The following EIF3F variants were observed in gnomAD, a reference collection of about 807,000 sequenced individuals.
EIF3F encodes the protein eukaryotic translation initiation factor 3 subunit F.
A neutral mutation model predicts 36.0 loss-of-function variants in EIF3F; 8 were observed. That is an observed-to-expected ratio of 0.22 (90% CI 0.13 to 0.40). EIF3F has a LOEUF of 0.40. Among genes scored for constraint, EIF3F ranks in the 10% least tolerant of loss-of-function variants. The probability of loss-of-function intolerance (pLI) is 1.00; values close to 1 mark genes in which losing one functional copy is unlikely to be tolerated. For missense variants in EIF3F, 430 were observed against 467.6 expected (o/e 0.92, Z 0.74); for synonymous variants, 184 against 188.5 (o/e 0.98, Z 0.19).
In EIF3F at chr11:7,992,074, T is replaced by C. The variant is rs1564886401; in HGVS notation, c.436-10T>C. The C allele has an allele frequency of 2.5e-6, 4 of 1,612,794 alleles. No individual in the cohort carries two copies. Among genetic ancestry groups the C allele is most frequent in the Non-Finnish European group, 2.5e-6 (3 of 1,179,888 alleles). On this transcript the variant is annotated splice_polypyrimidine_tract_variant and intron_variant, in intron 2 of 7. Transcript: ENST00000651655. ...GGCTTCTTAGCTTGCTTTCCTGCCT[T>C]CCCTCTTAGGTGGCTGTTGACATGG... is the stretch of plus-strand genomic sequence containing the variant.
rs1589905577 is a variant in EIF3F at position 7,992,681 on chromosome 11, A to G, written c.516-206A>G. ...CCAGGATATTTCGAATTACCTTGTA[A>G]GTGACTTGGAATTTTTCATCAGCAC... On this transcript the variant is annotated intron_variant, in intron 3 of 7. Coordinates refer to ENST00000651655, the MANE Select transcript of EIF3F (RefSeq NM_003754.3). The G allele has an allele frequency of 9.2e-6, 6 of 650,032 alleles. No individual in the cohort carries two copies. The South Asian group carries it at 9.3e-5, about 10-fold the overall frequency. The allele number at this position is 650,032 out of a possible 1,614,324, so 40.3% of individuals were successfully genotyped here.
chr11:7,991,696 G>A, intron 1 of EIF3F, 85 bp from the exon 2 acceptor site: 2 of 1,292,678 alleles, frequency 1.5e-6, no homozygotes, highest in South Asian at 2.4e-5. Flanking sequence ...ACATTGAAGA[G>A]ATCATCAAAA....
intron 1 of EIF3F, among the ~76,000 whole-genome samples, chr11:7,990,338 T>C (rs953824008): frequency 6.6e-6 from 1 of 152,210 alleles, no homozygotes; most frequent in Admixed American, 6.5e-5. Flanking sequence ...GTCCAGACGG[T>C]AAATATTTTA....
At position 7,995,746 on chromosome 11, in the gene EIF3F, G is replaced by T. The variant is rs560891824; in HGVS notation, c.997-199G>T. On this transcript the variant is annotated intron_variant, in intron 7 of 7. Transcript: ENST00000651655. ...GCTAAGGCACCCCTAGTCTATAAGT[G>T]TATCAGTAGAGATAAGAAAGCCTTC... 4.6e-6 allele frequency: 3 copies of T among 648,436 alleles called. No homozygotes were observed. The East Asian group carries it at 7.7e-5, about 17-fold the overall frequency. The allele number at this position is 648,436 out of a possible 1,614,324, so 40.2% of individuals were successfully genotyped here.
intron 1 of EIF3F, among the ~76,000 whole-genome samples, chr11:7,989,389 C>T (rs1564885714): frequency 6.6e-6 from 1 of 152,210 alleles, no homozygotes; most frequent in African/African-American, 2.4e-5. Flanking sequence ...TCTACATCCT[C>T]AGATCCTCTT....
Position 7,987,388 on chromosome 11 carries a change from G to T in EIF3F, c.36G>T (p.Pro12=). Residue 12 remains proline (P), a synonymous_variant, in exon 1 of 8, where the codon CCG becomes CCT. Coordinates refer to ENST00000651655, the MANE Select transcript of EIF3F (RefSeq NM_003754.3). ...ATPAVPVSAP[P]ATPTPVPAAA... The stretch of plus-strand genomic sequence containing the variant: ...CGGCGGTACCAGTAAGTGCTCCTCC[G>T]GCCACGCCAACCCCAGTCCCGGCGG... The T allele has an allele frequency of 6.3e-7, 1 of 1,598,950 alleles. No individual in the cohort carries two copies. Among genetic ancestry groups the T allele is most frequent in the Admixed American group, 1.7e-5 (1 of 59,902 alleles).
rs1386832851 is a variant in EIF3F, at chr11:8,001,053, A to C, written c.*5031A>C. ...AAAAGGGCTAATATTCTTGTCCCAG[A>C]ATTCCTACAGTTTTTTAAGGCCAGT... On this transcript the variant is annotated 3_prime_UTR_variant, in exon 8 of 8. Coordinates refer to ENST00000651655, the MANE Select transcript of EIF3F (RefSeq NM_003754.3). The C allele has an allele frequency of 6.6e-6, 1 of 152,254 alleles. No homozygotes were observed. The highest frequency in any genetic ancestry group is 1.5e-5 in the Non-Finnish European group (1 of 68,042). The allele number at this position is 152,254 out of a possible 1,614,324, so 9.4% of individuals were successfully genotyped here.
At chr11:7,993,451 T>C (rs1050334271) in intron 4 of EIF3F, among the ~76,000 whole-genome samples, 2 of 152,156 alleles carry the variant, frequency 1.3e-5, no homozygotes, top group African/African-American at 2.4e-5. Flanking sequence ...ACTGTCCTTA[T>C]TTTGAACACA....
Position 7,995,948 on chromosome 11 carries a change from C to G in EIF3F, c.1000C>G (p.Leu334Val), listed in dbSNP as rs149594374. 3.7e-6 allele frequency: 6 copies of G among 1,613,926 alleles called. No homozygotes were observed. Among genetic ancestry groups the G allele is most frequent in the Non-Finnish European group, 5.1e-6 (6 of 1,179,818 alleles). ...TTGTGTATTCTTTGTCTTCCAGGAC[C>G]TTTTGATGGTGACCTACCTGGCCAA... is the stretch of plus-strand genomic sequence containing the variant. The part of the protein sequence containing the change: ...ETMLNSNIND[L>V]LMVTYLANLT... The change falls in exon 8 of 8, where the codon CTT (leucine) becomes GTT (valine). Residue 334 changes from leucine to valine, a missense_variant. Transcript: ENST00000651655.
Position 8,001,577 on chromosome 11 carries a change from A to G in EIF3F, c.*5555A>G, listed in dbSNP as rs899399191. On this transcript the variant is annotated 3_prime_UTR_variant, in exon 8 of 8. Transcript: ENST00000651655. ...AGCAGAATGAGACAGTCCTCTATAT[A>G]TCAATATGGATAAAGAGTAAGTGAA... 6.6e-6 allele frequency: 1 copy of G among 152,228 alleles called. No individual in the cohort carries two copies. The highest frequency in any genetic ancestry group is 2.4e-5 in the African/African-American group (1 of 41,456). The allele number at this position is 152,228 out of a possible 1,614,324, so 9.4% of individuals were successfully genotyped here. A position where few individuals can be genotyped will look rare whatever the true frequency, so the allele number is the denominator to read the frequency against.
intron 1 of EIF3F, among the ~76,000 whole-genome samples, chr11:7,990,564 G>A (rs1389166997): frequency 6.6e-6 from 1 of 152,192 alleles, no homozygotes; most frequent in African/African-American, 2.4e-5. Flanking sequence ...GATTAGAAAG[G>A]TAGGAAGAAA....
At chr11:7,990,519 A>G (rs998278055) in intron 1 of EIF3F, among the ~76,000 whole-genome samples, 4 of 152,226 alleles carry the variant, frequency 2.6e-5, no homozygotes, top group Non-Finnish European at 5.9e-5. Context: ...ACAAAACCCT[A>G]AAAACCTAAA....
At chr11:7,995,140 A>T in intron 6 of EIF3F, 22 bp downstream of exon 6, 2 of 1,612,670 alleles carry the variant, frequency 1.2e-6, no homozygotes, top group East Asian at 4.5e-5. Context: ...AAGAAAAAAC[A>T]AAGGGGGAGG....
intron 1 of EIF3F, chr11:7,987,988 C>T: frequency 2.8e-6 from 1 of 363,418 alleles, no homozygotes; most frequent in Non-Finnish European, 4.7e-6. Context: ...ATATTTTATG[C>T]CAGTGGTTTA....
intron 1 of EIF3F, among the ~76,000 whole-genome samples, chr11:7,991,194 GA>G (rs917471795): frequency 0.047 from 6,310 of 133,664 alleles, 416 homozygotes; most frequent in African/African-American, 0.16. Context: ...TTTCGTCTCA[GA>G]AAAAAAAAAA....
intron 4 of EIF3F, 152 bp from the exon 5 acceptor site, chr11:7,994,274 G>T (rs1942136046): frequency 1.6e-6 from 1 of 641,502 alleles, no homozygotes; most frequent in South Asian, 2.1e-5. Context: ...AGTAACTTTT[G>T]CTCCCATGAG....
At chr11:7,992,627 G>A in intron 3 of EIF3F, 1 of 513,584 alleles carries the variant, frequency 1.9e-6, no homozygotes, top group Non-Finnish European at 3.5e-6. Flanking sequence ...AATTCAGTGG[G>A]TTTTGCTGGT....
At chr11:7,993,446 C>T (rs1011259148) in intron 4 of EIF3F, among the ~76,000 whole-genome samples, 1 of 152,100 alleles carries the variant, frequency 6.6e-6, no homozygotes, top group Non-Finnish European at 1.5e-5. Context: ...GGATGACTGT[C>T]CTTATTTTGA....
rs770212034 is a variant in EIF3F at position 7,987,357 on chromosome 11, C to T, written c.5C>T (p.Ala2Val). The stretch of plus-strand genomic sequence containing the variant: ...GCCTCCTTCTTTCTCGACAAGATGG[C>T]CACACCGGCGGTACCAGTAAGTGCT... M[A>V]TPAVPVSAPP... The change falls in exon 1 of 8, where the codon GCC becomes GTC. Residue 2 changes from alanine (A) to valine (V), a missense_variant. By Grantham distance (64) the Ala-to-Val change is moderately conservative. This residue lies in a region of EIF3F where 168 missense variants were observed against 120.2 expected (regional missense o/e 1.40). Coordinates refer to ENST00000651655, the MANE Select transcript of EIF3F (RefSeq NM_003754.3). 6.3e-7 allele frequency: 1 copy of T among 1,592,404 alleles called. No individual in the cohort carries two copies. The highest frequency in any genetic ancestry group is 1.1e-5 in the South Asian group (1 of 90,432).
Sources: allele counts gnomAD v4.1 joint callset (sites outside exome capture counted in the v4.1 genomes callset), GRCh38; gene constraint gnomAD v4.1.1; regional missense constraint gnomAD v4.1.1; transcripts MANE v1.5; gene names NCBI Gene and HGNC (gene_info 2026-07-23, HGNC 2026-07-21).